The following WDR70 variants were observed in gnomAD, a reference collection of about 807,000 sequenced individuals.
WDR70 encodes WD repeat domain 70, also known as WD repeat-containing protein 70.
In WDR70, 53 loss-of-function variants were observed where a neutral mutation model predicts 88.6. The ratio of observed to expected loss-of-function variants is 0.60; its 90% CI spans 0.48 to 0.75. The LOEUF (loss-of-function observed/expected upper bound fraction) is 0.75. WDR70 is among the 30% of genes least tolerant of loss of function. The pLI, the probability that WDR70 is intolerant of heterozygous loss-of-function variation, is 0.00. For missense variants in WDR70, 610 were observed against 823.2 expected, an observed-to-expected ratio of 0.74 and a Z score of 3.17; for synonymous variants, 280 against 270.0, an observed-to-expected ratio of 1.04 and a Z score of -0.36.
At position 37,549,012 on chromosome 5, in the gene WDR70, T is replaced by C. The variant is rs185148332; in HGVS notation, c.917+32422T>C. Among the ~76,000 whole-genome samples the C allele has an allele frequency of 2.3e-3, 356 of 152,310 alleles. 2 individuals are homozygous for C. Among genetic ancestry groups the C allele is most frequent in the African/African-American group, 8.2e-3 (341 of 41,574 alleles). The stretch of plus-strand genomic sequence containing the variant: ...TTTTATCGGTCTGTGTATCTGTTTT[T>C]AGGCCAGTACCATGCTGTTCTGGTT... On this transcript the variant is annotated intron_variant, in intron 9 of 17. Coordinates refer to ENST00000265107, the MANE Select transcript of WDR70 (RefSeq NM_018034.4).
intron 8 of WDR70, among the ~76,000 whole-genome samples, chr5:37,510,636 C>T (rs1740696954): frequency 6.6e-6 from 1 of 152,156 alleles, no homozygotes; most frequent in African/African-American, 2.4e-5. Context: ...GTATTATTAT[C>T]TAAATCACAT....
chr5:37,560,686 CTTTG>C, intron 9 of WDR70, among the ~76,000 whole-genome samples: 1 of 152,028 alleles, frequency 6.6e-6, no homozygotes, highest in Non-Finnish European at 1.5e-5. Context: ...GACTAGGCCT[CTTTG>C]TTAGCAGCTA....
chr5:37,487,779 C>T lies in WDR70; in HGVS notation c.840+7792C>T, dbSNP rs1445313873. 2.0e-5 allele frequency among the ~76,000 whole-genome samples: 3 copies of T among 151,604 alleles called. No individual in the cohort carries two copies. The East Asian group carries it at 5.8e-4, about 29-fold the overall frequency. On this transcript the variant is annotated intron_variant, in intron 8 of 17. Transcript: ENST00000265107. Reference sequence around the variant, plus strand: ...TAGCTGGGACTACAGGTACGTACCACCACACCCGGCTAATTTTTGTATTTT... The same window carrying T: ...TAGCTGGGACTACAGGTACGTACCATCACACCCGGCTAATTTTTGTATTTT...
At chr5:37,719,587 T>C (rs1430965585) in intron 13 of WDR70, among the ~76,000 whole-genome samples, 1 of 152,110 alleles carries the variant, frequency 6.6e-6, no homozygotes, top group Non-Finnish European at 1.5e-5. Flanking sequence ...CCATTCTGAT[T>C]TGATTTTCTC....
At chr5:37,718,362 T>G (rs1173735809) in intron 13 of WDR70, among the ~76,000 whole-genome samples, 2 of 152,128 alleles carry the variant, frequency 1.3e-5, no homozygotes, top group Non-Finnish European at 2.9e-5. Flanking sequence ...GTCTTGGAAT[T>G]TATCAGGCCT....
chr5:37,509,191 T>C (rs1443461695), intron 8 of WDR70, among the ~76,000 whole-genome samples: 1 of 152,152 alleles, frequency 6.6e-6, no homozygotes, highest in African/African-American at 2.4e-5. Context: ...CTTTTTCTAA[T>C]ATTTTAAGAT....
chr5:37,564,465 G>C (rs1042088981), intron 9 of WDR70, among the ~76,000 whole-genome samples: 3 of 152,066 alleles, frequency 2.0e-5, no homozygotes, highest in African/African-American at 4.8e-5. Flanking sequence ...GCAGTGAGCC[G>C]AGATGGCAGC....
intron 9 of WDR70, among the ~76,000 whole-genome samples, chr5:37,533,549 C>T (rs936256001): frequency 6.7e-5 from 10 of 148,392 alleles, no homozygotes; most frequent in African/African-American, 1.8e-4. Flanking sequence ...AGGCAGTGGG[C>T]GGGGCCATAG....
At chr5:37,451,382 A>G (rs531028900) in intron 7 of WDR70, among the ~76,000 whole-genome samples, 11 of 152,284 alleles carry the variant, frequency 7.2e-5, no homozygotes, top group African/African-American at 2.6e-4. Context: ...TGGAGATATT[A>G]TGTATCTGTA....
chr5:37,703,113 C>T (rs145073820), intron 13 of WDR70, 26 bp downstream of exon 13: 7 of 1,585,148 alleles, frequency 4.4e-6, no homozygotes, highest in Non-Finnish European at 4.3e-6. Context: ...TCTCCTCAGC[C>T]TTGAGAATAC....
intron 9 of WDR70, among the ~76,000 whole-genome samples, chr5:37,592,962 C>T (rs1301063025): frequency 6.6e-6 from 1 of 152,196 alleles, no homozygotes; most frequent in East Asian, 1.9e-4. Flanking sequence ...CCAGACCAGT[C>T]TGGGTAACAT....
chr5:37,408,169 A>G lies in WDR70; in HGVS notation c.492+11599A>G, dbSNP rs1749410867. 3.9e-5 allele frequency among the ~76,000 whole-genome samples: 6 copies of G among 152,108 alleles called. No homozygotes were observed. In the South Asian group the frequency reaches 1.2e-3, roughly 32 times the overall value. ...TAGCCATTAATTTTGCATTTTTGTC[A>G]GTAAGAAGGTAGAGGGACAAGGTCA... On this transcript the variant is annotated intron_variant, in intron 5 of 17. Coordinates refer to ENST00000265107, the MANE Select transcript of WDR70 (RefSeq NM_018034.4).
intron 10 of WDR70, among the ~76,000 whole-genome samples, chr5:37,667,262 G>A (rs1032302860): frequency 1.2e-4 from 19 of 152,176 alleles, no homozygotes; most frequent in Non-Finnish European, 2.6e-4. Flanking sequence ...CATTCACTGA[G>A]GGCCATTCAT....
intron 15 of WDR70, chr5:37,723,973 T>G (rs1039507042): frequency 1.3e-5 from 2 of 152,164 alleles, no homozygotes; most frequent in African/African-American, 2.4e-5. Context: ...GTTGGCAGTA[T>G]AGGTAGAAGG....
chr5:37,726,818 C>T lies in WDR70; in HGVS notation c.1715-65C>T, dbSNP rs1747982976. 13 of 1,466,696 alleles carry T rather than the reference C, an allele frequency of 8.9e-6. No homozygotes were observed. In the South Asian group the frequency reaches 1.7e-4, roughly 19 times the overall value. 90.9% of individuals were successfully genotyped at this position (1,466,696 alleles called of 1,614,324 possible). A position where few individuals can be genotyped will look rare whatever the true frequency, so the allele number is the denominator to read the frequency against. On this transcript the variant is annotated intron_variant, in intron 16 of 17. Transcript: ENST00000265107. ...TGTGCTCAGATAAGTACAGTGTACA[C>T]AGATATACCTATGTATCCTCATGCT...
intron 8 of WDR70, among the ~76,000 whole-genome samples, chr5:37,514,898 C>T (rs916445212): frequency 5.9e-5 from 9 of 151,930 alleles, no homozygotes; most frequent in African/African-American, 2.2e-4. Context: ...TGCCTGTAAT[C>T]CCAGTCACTT....
intron 10 of WDR70, among the ~76,000 whole-genome samples, chr5:37,694,792 C>G (rs556138398): frequency 6.6e-6 from 1 of 151,724 alleles, no homozygotes; most frequent in Non-Finnish European, 1.5e-5. Context: ...ACATGTATAC[C>G]TATGTATCAA....
intron 9 of WDR70, among the ~76,000 whole-genome samples, chr5:37,529,356 A>G (rs936808145): frequency 1.2e-4 from 19 of 152,114 alleles, no homozygotes; most frequent in African/African-American, 4.3e-4. Flanking sequence ...AGTTCTGTGC[A>G]GAATCATGTT....
chr5:37,686,169 C>A (rs1746591214), intron 10 of WDR70, among the ~76,000 whole-genome samples: 1 of 76,662 alleles, frequency 1.3e-5, no homozygotes, highest in Non-Finnish European at 2.6e-5. Context: ...GTATAAAAAC[C>A]AGCCAGGCAT....
Sources: allele counts gnomAD v4.1 joint callset (sites outside exome capture counted in the v4.1 genomes callset), GRCh38; gene constraint gnomAD v4.1.1; transcripts MANE v1.5; gene names NCBI Gene and HGNC (gene_info 2026-07-23, HGNC 2026-07-21).